The following WWOX variants were observed in gnomAD, a reference collection of about 807,000 sequenced individuals.
The protein encoded by WWOX is WW domain-containing oxidoreductase.
WWOX carries 69 observed loss-of-function variants against 46.2 expected under a neutral mutation model. The observed-to-expected ratio is 1.49, with a 90% CI of 1.23 to 1.82. The LOEUF (loss-of-function observed/expected upper bound fraction) is 1.82, where lower values mean the gene tolerates loss of function less well. Among genes scored for constraint, WWOX ranks in the 40% most tolerant of loss-of-function variants. The pLI is 0.00. For synonymous variants in WWOX, 359 were observed against 202.6 expected (o/e 1.77, Z -6.56); for missense variants, 919 against 542.6 (o/e 1.69, Z -6.89).
chr16:78,940,902 A>G (rs1004275387), intron 8 of WWOX, among the ~76,000 whole-genome samples: 1 of 151,840 alleles, frequency 6.6e-6, no homozygotes. Context: ...CTTCATGTCT[A>G]TGCTGTCCAT....
At chr16:78,903,829 C>T (rs1191418782) in intron 8 of WWOX, among the ~76,000 whole-genome samples, 1 of 152,178 alleles carries the variant, frequency 6.6e-6, no homozygotes. Context: ...TAACATAATT[C>T]ATAAAGGAAC....
At chr16:78,674,185 T>A (rs1381901824) in intron 8 of WWOX, among the ~76,000 whole-genome samples, 1 of 151,974 alleles carries the variant, frequency 6.6e-6, no homozygotes, top group East Asian at 1.9e-4. Context: ...TTTGGTTGGA[T>A]GAAGAGAACA....
intron 8 of WWOX, among the ~76,000 whole-genome samples, chr16:78,971,038 A>G (rs1457144940): frequency 6.6e-6 from 1 of 150,912 alleles, no homozygotes; most frequent in East Asian, 1.9e-4. Flanking sequence ...AGAGCTCCTC[A>G]CTCTGTTTCC....
At chr16:78,849,919 A>G (rs978312944) in intron 8 of WWOX, among the ~76,000 whole-genome samples, 1 of 152,074 alleles carries the variant, frequency 6.6e-6, no homozygotes, top group Non-Finnish European at 1.5e-5. Flanking sequence ...CTTAAAATAC[A>G]AAATTAGCCG....
At chr16:79,022,344 CAAAAAAAAAA>C (rs10654627) in intron 8 of WWOX, among the ~76,000 whole-genome samples, 1 of 71,218 alleles carries the variant, frequency 1.4e-5, no homozygotes, top group African/African-American at 5.1e-5. Context: ...CAATCTGTGG[CAAAAAAAAAA>C]AAAAAAAAAA....
chr16:79,204,463 T>C (rs7197664), intron 8 of WWOX: 95,432 of 151,958 alleles, frequency 0.63, 31,882 homozygotes, highest in Non-Finnish European at 0.76. Flanking sequence ...CTCACAATAA[T>C]AGCAGGTCTC....
intron 5 of WWOX, among the ~76,000 whole-genome samples, chr16:78,317,475 A>G (rs992245812): frequency 6.6e-6 from 1 of 152,138 alleles, no homozygotes; most frequent in Non-Finnish European, 1.5e-5. Context: ...CCCAAATGTC[A>G]ACAGTATTCA....
chr16:78,452,463 T>TTC lies in WWOX; in HGVS notation c.1056+19723_1056+19724dup, dbSNP rs1197382527. ...CATCAAGGACCTAATAAATACTTTT[T>TTC]TCTCTCTCTCTCTTTTTTTTTTTTT... is the stretch of plus-strand genomic sequence containing the variant. On this transcript the variant is annotated intron_variant, in intron 8 of 8. Coordinates refer to ENST00000566780, the MANE Select transcript of WWOX (RefSeq NM_016373.4). Among the ~76,000 whole-genome samples, 14 of 150,664 alleles carry TTC rather than the reference T, an allele frequency of 9.3e-5. No individual in the cohort carries two copies. The South Asian group carries it at 1.7e-3, about 18-fold the overall frequency.
chr16:78,711,314 A>G (rs552458793), intron 8 of WWOX, among the ~76,000 whole-genome samples: 3 of 152,204 alleles, frequency 2.0e-5, no homozygotes, highest in South Asian at 2.1e-4. Context: ...TACTATTTCT[A>G]TGGTTTGTTT....
chr16:78,408,414 C>T (rs1181306699), intron 6 of WWOX, among the ~76,000 whole-genome samples: 4 of 152,144 alleles, frequency 2.6e-5, no homozygotes, highest in Non-Finnish European at 2.9e-5. Context: ...GGTAGGGGAA[C>T]CACCCCCACC....
At chr16:78,807,075 A>G (rs1479473283) in intron 8 of WWOX, among the ~76,000 whole-genome samples, 1 of 152,238 alleles carries the variant, frequency 6.6e-6, no homozygotes. Context: ...GCAAGCATCC[A>G]CCAAGTGCCT....
chr16:79,020,642 C>G (rs2047514701), intron 8 of WWOX, among the ~76,000 whole-genome samples: 4 of 152,090 alleles, frequency 2.6e-5, no homozygotes, highest in Admixed American at 2.6e-4. Context: ...GGGAAGGGGA[C>G]ATTTCAGGCC....
intron 8 of WWOX, among the ~76,000 whole-genome samples, chr16:78,847,718 C>G (rs371479736): frequency 6.6e-6 from 1 of 151,122 alleles, no homozygotes; most frequent in Non-Finnish European, 1.5e-5. Flanking sequence ...ATAATAACAA[C>G]TAAAGGCTAG....
At chr16:78,534,903 TG>T (rs1190381003) in intron 8 of WWOX, among the ~76,000 whole-genome samples, 1 of 151,956 alleles carries the variant, frequency 6.6e-6, no homozygotes, top group Non-Finnish European at 1.5e-5. Flanking sequence ...TAGTAGAGAC[TG>T]GGTTCCACCA....
At chr16:78,398,495 A>G (rs1013244147) in intron 6 of WWOX, among the ~76,000 whole-genome samples, 2 of 152,228 alleles carry the variant, frequency 1.3e-5, no homozygotes. Context: ...CACGTCCTCT[A>G]CAGAGCCTCC....
intron 8 of WWOX, among the ~76,000 whole-genome samples, chr16:78,967,354 A>G (rs182231089): frequency 2.4e-5 from 3 of 124,886 alleles, no homozygotes; most frequent in Admixed American, 2.1e-4. Flanking sequence ...CAGTGGCATG[A>G]TCATGGCTCA....
intron 8 of WWOX, among the ~76,000 whole-genome samples, chr16:79,192,284 C>G (rs1306377888): frequency 1.3e-5 from 2 of 151,830 alleles, no homozygotes; most frequent in African/African-American, 2.4e-5. Flanking sequence ...CCCCAAACAG[C>G]TGTTATTTTC....
In WWOX at chr16:78,745,421, C is replaced by T. The variant is rs61016291; in HGVS notation, c.1056+312669C>T. Among the ~76,000 whole-genome samples the T allele has an allele frequency of 7.9e-5, 12 of 151,910 alleles. No individual in the cohort carries two copies. The East Asian group carries it at 2.3e-3, about 29-fold the overall frequency. The stretch of plus-strand genomic sequence containing the variant: ...TTGCCGGCCTCTCCCTGTGTCATGC[C>T]TGTTATTCTTTTCTCCCTCAACATT... On this transcript the variant is annotated intron_variant, in intron 8 of 8. Transcript: ENST00000566780.
chr16:79,185,717 G>C (rs77201875), intron 8 of WWOX, among the ~76,000 whole-genome samples: 4,326 of 152,264 alleles, frequency 0.028, 69 homozygotes, highest in South Asian at 0.045. Context: ...GTTGTCTTGA[G>C]AGCAGAGAAG....
Sources: allele counts gnomAD v4.1 joint callset (sites outside exome capture counted in the v4.1 genomes callset), GRCh38; gene constraint gnomAD v4.1.1; transcripts MANE v1.5; gene names NCBI Gene and HGNC (gene_info 2026-07-23, HGNC 2026-07-21).